Variants in HTR1F observed in about 807,000 individuals in gnomAD.
HTR1F encodes 5-hydroxytryptamine receptor 1F, also known as 5-hydroxytryptamine (serotonin) receptor 1F, G protein-coupled.
In HTR1F, 17 loss-of-function variants were observed where a neutral mutation model predicts 24.0. That is an observed-to-expected ratio of 0.71 (90% CI 0.48 to 1.06). The LOEUF (loss-of-function observed/expected upper bound fraction) is 1.06, where lower values mean the gene tolerates loss of function less well. HTR1F is among the 50% of genes least tolerant of loss of function. The pLI, the probability that HTR1F is intolerant of heterozygous loss-of-function variation, is 0.00. For missense variants in HTR1F, 391 were observed against 427.8 expected (o/e 0.91, Z 0.76); for synonymous variants, 186 against 156.8 (o/e 1.19, Z -1.39).
intron 2 of HTR1F, among the ~76,000 whole-genome samples, chr3:87,963,356 A>G (rs916049694): frequency 3.9e-5 from 6 of 152,098 alleles, no homozygotes; most frequent in Admixed American, 6.6e-5. Flanking sequence ...TGCCACAACT[A>G]TCTCTAGGAA....
chr3:87,963,335 A>G (rs1055904195), intron 2 of HTR1F, among the ~76,000 whole-genome samples: 4 of 152,134 alleles, frequency 2.6e-5, no homozygotes, highest in Non-Finnish European at 5.9e-5. Context: ...CACTATCAGT[A>G]GAGCAGTTCC....
intron 2 of HTR1F, among the ~76,000 whole-genome samples, chr3:87,925,862 T>C (rs1704114161): frequency 6.6e-6 from 1 of 152,204 alleles, no homozygotes; most frequent in Non-Finnish European, 1.5e-5. Flanking sequence ...TGCTGCCATA[T>C]CGAGTTTTTG....
intron 2 of HTR1F, among the ~76,000 whole-genome samples, chr3:87,852,471 G>C (rs1188118576): frequency 1.3e-5 from 2 of 151,622 alleles, no homozygotes; most frequent in African/African-American, 4.9e-5. Context: ...GTTTTATCCT[G>C]AAATAATACC....
At chr3:87,986,735 T>C (rs1417299187) in intron 2 of HTR1F, among the ~76,000 whole-genome samples, 1 of 152,198 alleles carries the variant, frequency 6.6e-6, no homozygotes, top group African/African-American at 2.4e-5. Flanking sequence ...ATCAGGCAAA[T>C]TAAAATGGAA....
intron 1 of HTR1F, among the ~76,000 whole-genome samples, chr3:87,800,196 GCTC>G (rs1703970097): frequency 6.6e-6 from 1 of 151,908 alleles, no homozygotes; most frequent in Non-Finnish European, 1.5e-5. Flanking sequence ...TCCTTTAGTG[GCTC>G]CTCATGTCAT....
intron 2 of HTR1F, among the ~76,000 whole-genome samples, chr3:87,905,332 G>T (rs544038802): frequency 6.0e-5 from 9 of 151,214 alleles, no homozygotes; most frequent in African/African-American, 2.2e-4. Context: ...AAAAAAGTTT[G>T]TGTAAAAAAA....
chr3:87,845,356 CCTT>C (rs1704916168), intron 2 of HTR1F, among the ~76,000 whole-genome samples: 1 of 151,536 alleles, frequency 6.6e-6, no homozygotes, highest in South Asian at 2.1e-4. Flanking sequence ...CCCAAAATCT[CCTT>C]AAGCTGATAA....
chr3:87,863,677 A>T (rs905114148), intron 2 of HTR1F, among the ~76,000 whole-genome samples: 3 of 152,332 alleles, frequency 2.0e-5, no homozygotes, highest in African/African-American at 7.2e-5. Context: ...AATGCTCCTT[A>T]AAATTCTTCC....
chr3:87,845,518 A>G (rs1365181576), intron 2 of HTR1F, among the ~76,000 whole-genome samples: 2 of 149,658 alleles, frequency 1.3e-5, no homozygotes, highest in African/African-American at 5.0e-5. Flanking sequence ...TAGGAATCCA[A>G]CTTACAAGGG....
chr3:87,876,071 T>C (rs559392889), intron 2 of HTR1F, among the ~76,000 whole-genome samples: 2 of 152,276 alleles, frequency 1.3e-5, no homozygotes, highest in African/African-American at 2.4e-5. Flanking sequence ...TTCACATTTA[T>C]ACGTCCACTA....
intron 2 of HTR1F, among the ~76,000 whole-genome samples, chr3:87,942,204 TG>T (rs1256532761): frequency 5.3e-5 from 8 of 151,818 alleles, no homozygotes; most frequent in Non-Finnish European, 7.4e-5. Flanking sequence ...AACAAGGGAG[TG>T]GGGCTTTCAG....
chr3:87,926,409 A>G (rs1704128226), intron 2 of HTR1F, among the ~76,000 whole-genome samples: 2 of 152,170 alleles, frequency 1.3e-5, no homozygotes, highest in Admixed American at 6.6e-5. Context: ...ATATGCTCCC[A>G]TAGCATTCTA....
At chr3:87,889,696 G>A (rs1411376924) in intron 2 of HTR1F, among the ~76,000 whole-genome samples, 1 of 151,928 alleles carries the variant, frequency 6.6e-6, no homozygotes, top group Non-Finnish European at 1.5e-5. Flanking sequence ...TCCTTTAAAT[G>A]AGCCATGTTT....
chr3:87,828,824 T>C (rs1280971912), intron 2 of HTR1F, among the ~76,000 whole-genome samples: 1 of 152,152 alleles, frequency 6.6e-6, no homozygotes, highest in Admixed American at 6.5e-5. Context: ...AAAATGTAGA[T>C]TAATATATTT....
chr3:87,916,944 G>A (rs746805846), intron 2 of HTR1F, among the ~76,000 whole-genome samples: 2 of 151,994 alleles, frequency 1.3e-5, no homozygotes, highest in Non-Finnish European at 2.9e-5. Context: ...CTTTCTCCAA[G>A]ATAGACCACA....
chr3:87,901,425 T>G (rs1215244950), intron 2 of HTR1F, among the ~76,000 whole-genome samples: 1 of 151,902 alleles, frequency 6.6e-6, no homozygotes, highest in Admixed American at 6.6e-5. Context: ...AGGAGAGAGC[T>G]CTTAGAAGAA....
At chr3:87,938,448 C>T (rs1425359426) in intron 2 of HTR1F, among the ~76,000 whole-genome samples, 2 of 152,092 alleles carry the variant, frequency 1.3e-5, no homozygotes, top group African/African-American at 2.4e-5. Flanking sequence ...TTTTAAAATT[C>T]ATATGGAGCC....
chr3:87,980,517 A>C (rs1705517358), intron 2 of HTR1F, among the ~76,000 whole-genome samples: 1 of 152,092 alleles, frequency 6.6e-6, no homozygotes, highest in African/African-American at 2.4e-5. Context: ...AAAGCACCAT[A>C]AGTTTTCATG....
intron 2 of HTR1F, among the ~76,000 whole-genome samples, chr3:87,931,530 G>C (rs556502580): frequency 6.6e-6 from 1 of 152,228 alleles, no homozygotes; most frequent in East Asian, 1.9e-4. Flanking sequence ...TGTCTTTATA[G>C]CAGCATGATT....
Sources: allele counts gnomAD v4.1 joint callset (sites outside exome capture counted in the v4.1 genomes callset), GRCh38; gene constraint gnomAD v4.1.1; transcripts MANE v1.5; gene names NCBI Gene and HGNC (gene_info 2026-07-23, HGNC 2026-07-21).